Variants in HPSE2 observed in about 807,000 individuals in gnomAD.
HPSE2 encodes the protein inactive heparanase-2.
A neutral mutation model predicts 60.5 loss-of-function variants in HPSE2; 38 were observed. The ratio of observed to expected loss-of-function variants is 0.63; its 90% CI spans 0.48 to 0.82. The LOEUF (loss-of-function observed/expected upper bound fraction) is 0.82, where lower values mean the gene tolerates loss of function less well. Among genes scored for constraint, HPSE2 ranks in the 40% least tolerant of loss-of-function variants. The pLI, the probability that HPSE2 is intolerant of heterozygous loss-of-function variation, is 0.00. For missense variants in HPSE2, 713 were observed against 740.4 expected, an observed-to-expected ratio of 0.96 and a Z score of 0.43; for synonymous variants, 295 against 293.2, an observed-to-expected ratio of 1.01 and a Z score of -0.06.
intron 2 of HPSE2, among the ~76,000 whole-genome samples, chr10:99,204,215 C>T (rs573522054): frequency 6.6e-6 from 1 of 152,242 alleles, no homozygotes; most frequent in East Asian, 1.9e-4. Context: ...AGGCCCAATC[C>T]CACAAACCCA....
At chr10:98,546,727 T>C (rs11189669) in intron 9 of HPSE2, among the ~76,000 whole-genome samples, 108,171 of 132,858 alleles carry the variant, frequency 0.81, 44,579 homozygotes, top group East Asian at 0.96. Flanking sequence ...GCATTACCAT[T>C]CAGGACATAG....
At chr10:99,228,154 C>T (rs1449786202) in intron 2 of HPSE2, among the ~76,000 whole-genome samples, 2 of 151,666 alleles carry the variant, frequency 1.3e-5, no homozygotes, top group East Asian at 1.9e-4. Flanking sequence ...AACAAAGGTA[C>T]GGGGTTGAGA....
At chr10:99,215,775 G>C (rs768102826) in intron 2 of HPSE2, among the ~76,000 whole-genome samples, 1 of 152,342 alleles carries the variant, frequency 6.6e-6, no homozygotes, top group African/African-American at 2.4e-5. Flanking sequence ...CGGCCACGGA[G>C]TGAGAGTTTT....
chr10:99,196,830 A>G (rs981055362), intron 2 of HPSE2, among the ~76,000 whole-genome samples: 2 of 152,170 alleles, frequency 1.3e-5, no homozygotes, highest in South Asian at 4.1e-4. Context: ...AAAAAGCTGA[A>G]AATTGAGCTA....
chr10:99,243,430 C>G, the HPSE2 span, among the ~76,000 whole-genome samples: 5 of 152,102 alleles, frequency 3.3e-5, no homozygotes, highest in Middle Eastern at 3.4e-3. Flanking sequence ...GCTCTACTGA[C>G]TACACTTCGA....
chr10:98,843,602 A>G (rs1159129311), intron 3 of HPSE2, among the ~76,000 whole-genome samples: 1 of 152,218 alleles, frequency 6.6e-6, no homozygotes, highest in African/African-American at 2.4e-5. Flanking sequence ...AAGTTCTTCA[A>G]ATTCCCTAAC....
intron 10 of HPSE2, among the ~76,000 whole-genome samples, chr10:98,483,737 T>C (rs545819689): frequency 6.6e-6 from 1 of 152,330 alleles, no homozygotes; most frequent in African/African-American, 2.4e-5. Context: ...AGACTGACAA[T>C]GTTCTTGACA....
chr10:98,926,772 T>A (rs757846362), intron 3 of HPSE2, among the ~76,000 whole-genome samples: 1 of 152,208 alleles, frequency 6.6e-6, no homozygotes, highest in African/African-American at 2.4e-5. Context: ...TGTCCCTTAC[T>A]TATCCTTATT....
chr10:99,256,234 A>G, the HPSE2 span, among the ~76,000 whole-genome samples: 1 of 150,092 alleles, frequency 6.7e-6, no homozygotes, highest in Non-Finnish European at 1.5e-5. Flanking sequence ...TGGGATGTGC[A>G]GCCTAATGGG....
At position 99,184,522 on chromosome 10, in the gene HPSE2, C is replaced by CAAA. The variant is rs200059066; in HGVS notation, c.449-40126_449-40124dup. ...CCTGGGCAACAGAGCGAGACTGTCT[C>CAAA]AAAAAAAAAAAAAAAAAAAAAAAAA... On this transcript the variant is annotated intron_variant, in intron 2 of 11. Transcript: ENST00000370552. 2.1e-4 allele frequency among the ~76,000 whole-genome samples: 13 copies of CAAA among 60,764 alleles called. 1 individual carries two copies. The highest frequency in any genetic ancestry group is 2.4e-4 in the Non-Finnish European group (9 of 38,180). 39.9% of individuals were successfully genotyped at this position (60,764 alleles called of 152,430 possible). A position where few individuals can be genotyped will look rare whatever the true frequency, so the allele number is the denominator to read the frequency against.
At position 99,142,983 on chromosome 10, in the gene HPSE2, CAT is replaced by C. The variant is rs1016950236; in HGVS notation, c.610+1253_610+1254del. Among the ~76,000 whole-genome samples the C allele has an allele frequency of 2.0e-4, 31 of 152,230 alleles. 2 individuals are homozygous for C. The highest frequency in any genetic ancestry group is 1.2e-3 in the South Asian group (6 of 4,822). On this transcript the variant is annotated intron_variant, in intron 3 of 11. Coordinates refer to ENST00000370552, the MANE Select transcript of HPSE2 (RefSeq NM_021828.5). ...ACGCACGTATTTATACACACACACACATGCACAAATACATATGAGGTTGACTG... is the reference window on the plus strand; with the variant it reads ...ACGCACGTATTTATACACACACACACGCACAAATACATATGAGGTTGACTG...
At chr10:99,168,966 G>A (rs182203181) in intron 2 of HPSE2, among the ~76,000 whole-genome samples, 34 of 150,588 alleles carry the variant, frequency 2.3e-4, no homozygotes, top group East Asian at 1.6e-3. Context: ...AGGCCAAGGC[G>A]GGTGGATCAC....
At chr10:98,649,317 T>A (rs931008020) in intron 6 of HPSE2, among the ~76,000 whole-genome samples, 1 of 152,200 alleles carries the variant, frequency 6.6e-6, no homozygotes, top group Non-Finnish European at 1.5e-5. Context: ...AGTTCCTTCT[T>A]ATTTGCTAGC....
intron 9 of HPSE2, among the ~76,000 whole-genome samples, chr10:98,523,462 GT>G (rs1942865098): frequency 6.6e-6 from 1 of 152,174 alleles, no homozygotes; most frequent in Non-Finnish European, 1.5e-5. Context: ...AAATGTGAAA[GT>G]TTTTCAAAAT....
At chr10:98,699,160 AT>A (rs1314866242) in intron 5 of HPSE2, among the ~76,000 whole-genome samples, 1 of 152,084 alleles carries the variant, frequency 6.6e-6, no homozygotes, top group Non-Finnish European at 1.5e-5. Flanking sequence ...CATCATCCTG[AT>A]ACCAAAGCCT....
chr10:98,907,342 T>C (rs1369087524), intron 3 of HPSE2, among the ~76,000 whole-genome samples: 1 of 152,050 alleles, frequency 6.6e-6, no homozygotes, highest in African/African-American at 2.4e-5. Flanking sequence ...TATGCCTCCA[T>C]GTACGTTCAT....
At chr10:98,626,767 ATTAT>A (rs1946225655) in intron 7 of HPSE2, among the ~76,000 whole-genome samples, 1 of 150,772 alleles carries the variant, frequency 6.6e-6, no homozygotes, top group South Asian at 2.1e-4. Context: ...TGTATGAGAT[ATTAT>A]TTTTCTTTTT....
At chr10:99,282,537 G>A in the HPSE2 span, among the ~76,000 whole-genome samples, 1 of 152,050 alleles carries the variant, frequency 6.6e-6, no homozygotes, top group African/African-American at 2.4e-5. Context: ...CAAATGTACG[G>A]AATCCTCTAC....
the HPSE2 span, among the ~76,000 whole-genome samples, chr10:99,271,657 T>C: frequency 9.2e-5 from 14 of 152,076 alleles, no homozygotes; most frequent in African/African-American, 3.1e-4. Context: ...CTATAATTCA[T>C]ATGGAGCCAA....
Sources: allele counts gnomAD v4.1 joint callset (sites outside exome capture counted in the v4.1 genomes callset), GRCh38; gene constraint gnomAD v4.1.1; transcripts MANE v1.5; gene names NCBI Gene and HGNC (gene_info 2026-07-23, HGNC 2026-07-21).